STK32B: variants seen among roughly 807,000 people sequenced by gnomAD.
STK32B encodes serine/threonine-protein kinase 32B.
In STK32B, 43 loss-of-function variants were observed where a neutral mutation model predicts 52.6. That is an observed-to-expected ratio of 0.82 (90% CI 0.64 to 1.05). The LOEUF (loss-of-function observed/expected upper bound fraction) is 1.05. Ranked by LOEUF, STK32B falls within the 50% of genes least tolerant of loss-of-function variation. The pLI is 0.00. For missense variants in STK32B, 621 were observed against 534.6 expected, an observed-to-expected ratio of 1.16 and a Z score of -1.59; for synonymous variants, 238 against 204.3, an observed-to-expected ratio of 1.17 and a Z score of -1.41.
At chr4:5,441,200 C>T (rs2109109565) in intron 6 of STK32B, among the ~76,000 whole-genome samples, 1 of 150,928 alleles carries the variant, frequency 6.6e-6, no homozygotes, top group Non-Finnish European at 1.5e-5. Context: ...CTCCTTGTAC[C>T]TCTGGTAGAA....
At chr4:5,111,617 G>T (rs1714411981) in intron 1 of STK32B, among the ~76,000 whole-genome samples, 1 of 152,036 alleles carries the variant, frequency 6.6e-6, no homozygotes, top group Non-Finnish European at 1.5e-5. Context: ...CTTCAAAAGG[G>T]GTTGGGAAGG....
At chr4:5,456,314 C>T (rs1215148447) in intron 7 of STK32B, among the ~76,000 whole-genome samples, 1 of 152,228 alleles carries the variant, frequency 6.6e-6, no homozygotes, top group African/African-American at 2.4e-5. Context: ...TGGGGTCCTC[C>T]CATCCCTCAG....
chr4:5,343,442 T>G (rs1249682388), intron 4 of STK32B, among the ~76,000 whole-genome samples: 2 of 152,150 alleles, frequency 1.3e-5, no homozygotes, highest in African/African-American at 4.8e-5. Flanking sequence ...GTAGCATGAT[T>G]TATAATCCTT....
intron 3 of STK32B, among the ~76,000 whole-genome samples, chr4:5,186,229 G>A (rs1406916118): frequency 6.6e-6 from 1 of 152,148 alleles, no homozygotes; most frequent in Admixed American, 6.6e-5. Flanking sequence ...AGACAGTGGT[G>A]CTTTCTCGCA....
At chr4:5,295,383 G>T (rs1346367734) in intron 3 of STK32B, among the ~76,000 whole-genome samples, 1 of 151,544 alleles carries the variant, frequency 6.6e-6, no homozygotes, top group Non-Finnish European at 1.5e-5. Flanking sequence ...GTATAATTTG[G>T]CTGTGAATCT....
At position 5,386,218 on chromosome 4, in the gene STK32B, C is replaced by T. The variant is rs948217391; in HGVS notation, c.435-11989C>T. Among the ~76,000 whole-genome samples the T allele has an allele frequency of 2.6e-5, 4 of 152,032 alleles. No individual in the cohort carries two copies. Among genetic ancestry groups the T allele is most frequent in the East Asian group, 3.9e-4 (2 of 5,180 alleles). Reference sequence around the variant, plus strand: ...CACTCTCCCCCTCTATTTCCCTCAGCGTATCATATTATGCAGTTTTATCTT... The same window carrying T: ...CACTCTCCCCCTCTATTTCCCTCAGTGTATCATATTATGCAGTTTTATCTT... On this transcript the variant is annotated intron_variant, in intron 4 of 11. Transcript: ENST00000282908. The surrounding 1 kb of genome is among the most constrained non-coding windows in gnomAD (Gnocchi z 4.5).
chr4:5,087,404 A>G (rs556426332), intron 1 of STK32B, among the ~76,000 whole-genome samples: 1 of 152,140 alleles, frequency 6.6e-6, no homozygotes, highest in South Asian at 2.1e-4. Flanking sequence ...AAAAGCTATG[A>G]CTTATAGAAA....
intron 5 of STK32B, among the ~76,000 whole-genome samples, chr4:5,408,114 C>T (rs868797085): frequency 6.6e-5 from 10 of 152,126 alleles, no homozygotes; most frequent in African/African-American, 2.4e-4. Flanking sequence ...GTTAATCAGT[C>T]TATGACATTC....
intron 4 of STK32B, among the ~76,000 whole-genome samples, chr4:5,344,576 T>C (rs927828122): frequency 8.5e-5 from 13 of 152,192 alleles, no homozygotes; most frequent in African/African-American, 3.1e-4. Context: ...CTTGGGAAAA[T>C]ATCTGCTTAT....
At chr4:5,462,969 G>A (rs192433896) in intron 9 of STK32B, among the ~76,000 whole-genome samples, 23 of 152,314 alleles carry the variant, frequency 1.5e-4, no homozygotes, top group Admixed American at 1.5e-3. Flanking sequence ...GCTCTGCTGA[G>A]CCGGGAGTAA....
chr4:5,041,798 CT>C, the STK32B span, among the ~76,000 whole-genome samples: 127 of 114,976 alleles, frequency 1.1e-3, 1 homozygote, highest in East Asian at 0.05. Flanking sequence ...ACAAAACAGC[CT>C]TTATCTTTTT....
At chr4:5,055,231 A>G (rs557132625) in intron 1 of STK32B, among the ~76,000 whole-genome samples, 12 of 150,352 alleles carry the variant, frequency 8.0e-5, no homozygotes, top group Admixed American at 8.0e-4. Context: ...CTGGGACAAT[A>G]GGCTTCTACC....
At chr4:5,389,552 G>A (rs1736466502) in intron 4 of STK32B, among the ~76,000 whole-genome samples, 1 of 152,118 alleles carries the variant, frequency 6.6e-6, no homozygotes, top group African/African-American at 2.4e-5. Context: ...AGTCAGATTG[G>A]ATTTGAGTCT....
Position 5,500,398 on chromosome 4 carries a change from A to G in STK32B, c.*1315A>G, listed in dbSNP as rs1204843117. On this transcript the variant is annotated 3_prime_UTR_variant, in exon 12 of 12. Coordinates refer to ENST00000282908, the MANE Select transcript of STK32B (RefSeq NM_018401.3). Reference sequence around the variant, plus strand: ...CTTTTTTGTCAGCATAATCGTCATCATTATTTAGATACTTTCTTCCTTCAC... The same window carrying G: ...CTTTTTTGTCAGCATAATCGTCATCGTTATTTAGATACTTTCTTCCTTCAC... 1 of 152,202 alleles carries G rather than the reference A, an allele frequency of 6.6e-6. No individual in the cohort carries two copies. The highest frequency in any genetic ancestry group is 1.5e-5 in the Non-Finnish European group (1 of 68,034). The allele number at this position is 152,202 out of a possible 1,614,324, so 9.4% of individuals were successfully genotyped here. A position where few individuals can be genotyped will look rare whatever the true frequency, so the allele number is the denominator to read the frequency against.
chr4:5,457,369 A>C (rs113327833), intron 8 of STK32B, among the ~76,000 whole-genome samples: 23,880 of 150,766 alleles, frequency 0.16, 2,144 homozygotes, highest in East Asian at 0.35. Context: ...GCACCCGCCA[A>C]CACGCCCGGC....
At chr4:5,182,513 G>C (rs1292456362) in intron 3 of STK32B, among the ~76,000 whole-genome samples, 2 of 151,736 alleles carry the variant, frequency 1.3e-5, no homozygotes, top group Non-Finnish European at 2.9e-5. Context: ...CCAGGGTGGA[G>C]TGCAGTGATG....
Position 5,398,259 on chromosome 4 carries a change from A to G in STK32B, c.472+15A>G. On this transcript the variant is annotated intron_variant, in intron 5 of 11. Transcript: ENST00000282908. The surrounding 1 kb of genome is among the most constrained non-coding windows in gnomAD (Gnocchi z 4.9). The stretch of plus-strand genomic sequence containing the variant: ...GGATGAACACGGTAAGCCTGCTACT[A>G]ATCCTTTACAGGGACTCTCAGTGGA... 1.9e-6 allele frequency: 3 copies of G among 1,613,966 alleles called. No homozygotes were observed. Among genetic ancestry groups the G allele is most frequent in the Non-Finnish European group, 2.5e-6 (3 of 1,179,956 alleles).
Position 5,313,551 on chromosome 4 carries a change from G to A in STK32B, c.261-17669G>A, listed in dbSNP as rs760700041. On this transcript the variant is annotated intron_variant, in intron 3 of 11. Coordinates refer to ENST00000282908, the MANE Select transcript of STK32B (RefSeq NM_018401.3). ...AAAATAAGGCATATAGATTAGAAAAGAGAAAATAGAACTGTCTCTATTTTC... is the reference window on the plus strand; with the variant it reads ...AAAATAAGGCATATAGATTAGAAAAAAGAAAATAGAACTGTCTCTATTTTC... Among the ~76,000 whole-genome samples, 144 of 152,072 alleles carry A rather than the reference G, an allele frequency of 9.5e-4. 1 individual carries two copies. Among genetic ancestry groups the A allele is most frequent in the Non-Finnish European group, 9.7e-4 (66 of 67,980 alleles).
At position 5,398,875 on chromosome 4, in the gene STK32B, T is replaced by G. The variant is rs1211850352; in HGVS notation, c.472+631T>G. 6.6e-6 allele frequency among the ~76,000 whole-genome samples: 1 copy of G among 152,234 alleles called. No homozygotes were observed. Among genetic ancestry groups the G allele is most frequent in the Non-Finnish European group, 1.5e-5 (1 of 68,036 alleles). On this transcript the variant is annotated intron_variant, in intron 5 of 11. Coordinates refer to ENST00000282908, the MANE Select transcript of STK32B (RefSeq NM_018401.3). This position sits in a 1 kb window ranked among gnomAD's most constrained non-coding sequence, Gnocchi z 4.9. ...CCAGGTGGCTGATGCTGCTGGTCCATGGACCACACCTTGAGTAGCAAGGCA... is the reference window on the plus strand; with the variant it reads ...CCAGGTGGCTGATGCTGCTGGTCCAGGGACCACACCTTGAGTAGCAAGGCA...
Sources: allele counts gnomAD v4.1 joint callset (sites outside exome capture counted in the v4.1 genomes callset), GRCh38; gene constraint gnomAD v4.1.1; non-coding constraint Gnocchi (gnomAD v3.1); transcripts MANE v1.5; gene names NCBI Gene and HGNC (gene_info 2026-07-23, HGNC 2026-07-21).